The following FAM234B variants were observed in gnomAD, a reference collection of about 807,000 sequenced individuals.
FAM234B encodes the protein family with sequence similarity 234 member B.
In FAM234B, 33 loss-of-function variants were observed where a neutral mutation model predicts 69.3. The observed-to-expected ratio is 0.48, with a 90% confidence interval of 0.36 to 0.64. The LOEUF (loss-of-function observed/expected upper bound fraction) is 0.64. Ranked by LOEUF, FAM234B falls within the 30% of genes least tolerant of loss-of-function variation. The pLI is 0.00. For synonymous variants in FAM234B, 306 were observed against 306.9 expected, an observed-to-expected ratio of 1.00 and a Z score of 0.03; for missense variants, 697 against 769.7, an observed-to-expected ratio of 0.91 and a Z score of 1.12.
At chr12:13,065,686 T>A (rs1171650219) in intron 5 of FAM234B, among the ~76,000 whole-genome samples, 1 of 152,214 alleles carries the variant, frequency 6.6e-6, no homozygotes, top group African/African-American at 2.4e-5. Flanking sequence ...CCTCTCAGCT[T>A]TGTGATAAAC....
chr12:13,066,551 A>T lies in FAM234B; in HGVS notation c.853-89A>T, dbSNP rs188900379. 3.6e-6 allele frequency: 5 copies of T among 1,398,330 alleles called. No homozygotes were observed. In the South Asian group the frequency reaches 4.4e-5, roughly 12 times the overall value. The allele number at this position is 1,398,330 out of a possible 1,614,324, so 86.6% of individuals were successfully genotyped here. On this transcript the variant is annotated intron_variant, in intron 5 of 12. Transcript: ENST00000197268. ...GGGAGTGTTTCTGAGCCCGTGGCTT[A>T]TGAGGAGGCAGTGACTGTCTGGAGA...
chr12:13,068,237 C>T, intron 7 of FAM234B, 67 bp from the exon 8 acceptor site: 1 of 1,586,706 alleles, frequency 6.3e-7, no homozygotes, highest in Non-Finnish European at 8.6e-7. Context: ...AGAGAAAAAG[C>T]CAAAGTAAAT....
At chr12:13,053,983 A>T (rs1028880396) in intron 1 of FAM234B, among the ~76,000 whole-genome samples, 2 of 152,204 alleles carry the variant, frequency 1.3e-5, no homozygotes, top group African/African-American at 4.8e-5. Context: ...CAAGAAGAAA[A>T]ATATGGCTCT....
In FAM234B at chr12:13,062,923, T is replaced by C; in HGVS notation, c.800T>C (p.Leu267Ser). 6.2e-7 allele frequency: 1 copy of C among 1,614,090 alleles called. No individual in the cohort carries two copies. The highest frequency in any genetic ancestry group is 1.1e-5 in the South Asian group (1 of 91,078). Residue 267 changes from leucine to serine, a missense_variant, in exon 5 of 13, where the codon TTG becomes TCG. Physicochemically the swap from Leu to Ser is moderately radical, Grantham distance 145. Transcript: ENST00000197268. ...LAAPVVVLPD[L>S]DEDGVRDLVV... Reference sequence around the variant, plus strand: ...GCCCCAGTTGTGGTACTGCCAGACTTGGATGAAGACGGTGTTCGAGACCTT... The same window carrying C: ...GCCCCAGTTGTGGTACTGCCAGACTCGGATGAAGACGGTGTTCGAGACCTT...
chr12:13,071,433 C>T (rs1448355730), intron 10 of FAM234B, 37 bp downstream of exon 10: 3 of 1,584,210 alleles, frequency 1.9e-6, no homozygotes, highest in Non-Finnish European at 2.6e-6. Context: ...TTTACTTTGT[C>T]AGATGGCAGC....
At position 13,082,125 on chromosome 12, in the gene FAM234B, AT is replaced by A. The variant is rs551415364; in HGVS notation, c.*1506del. ...AGGTGCCCGCTACCATGCCTGGCTAATTTTTTTTTTTGTATTTTTAGTAGAG... is the reference window on the plus strand; with the variant it reads ...AGGTGCCCGCTACCATGCCTGGCTAATTTTTTTTTTGTATTTTTAGTAGAG... On this transcript the variant is annotated 3_prime_UTR_variant, in exon 13 of 13. Transcript: ENST00000197268. 4.3e-4 allele frequency: 62 copies of A among 145,594 alleles called. No homozygotes were observed. The highest frequency in any genetic ancestry group is 4.0e-4 in the East Asian group (2 of 5,044). 9.0% of individuals were successfully genotyped at this position (145,594 alleles called of 1,614,324 possible).
intron 3 of FAM234B, among the ~76,000 whole-genome samples, chr12:13,058,954 G>A (rs1279170969): frequency 6.6e-6 from 1 of 152,190 alleles, no homozygotes; most frequent in Non-Finnish European, 1.5e-5. Flanking sequence ...TTTGTTCATA[G>A]ACTTATACAT....
At chr12:13,069,693 T>C (rs763363375) in intron 9 of FAM234B, among the ~76,000 whole-genome samples, 5 of 152,054 alleles carry the variant, frequency 3.3e-5, no homozygotes, top group Non-Finnish European at 7.4e-5. Flanking sequence ...GTTTGCTGAA[T>C]AGATAAGGGT....
At chr12:13,060,825 A>G (rs74063231) in intron 3 of FAM234B, among the ~76,000 whole-genome samples, 6,923 of 152,234 alleles carry the variant, frequency 0.045, 516 homozygotes, top group African/African-American at 0.16. Context: ...AGTCTGATGT[A>G]GTAATTAAGT....
chr12:13,070,058 C>T (rs1193792690), intron 9 of FAM234B, among the ~76,000 whole-genome samples: 1 of 151,712 alleles, frequency 6.6e-6, no homozygotes, highest in Non-Finnish European at 1.5e-5. Flanking sequence ...GGCATATTAC[C>T]TAATCTTGCC....
intron 8 of FAM234B, 46 bp from the exon 9 acceptor site, chr12:13,068,584 G>A: frequency 2.1e-5 from 34 of 1,588,306 alleles, no homozygotes; most frequent in Non-Finnish European, 2.8e-5. Flanking sequence ...TAGTTTTCCT[G>A]TTTTTCTTGT....
chr12:13,075,950 G>A, intron 10 of FAM234B, 76 bp from the exon 11 acceptor site: 4 of 1,012,642 alleles, frequency 4.0e-6, no homozygotes, highest in Non-Finnish European at 6.3e-6. Context: ...TTTCTACTCT[G>A]CCTTTTCACC....
chr12:13,066,500 G>T, intron 5 of FAM234B, 140 bp from the exon 6 acceptor site: 1 of 876,500 alleles, frequency 1.1e-6, no homozygotes, highest in East Asian at 2.8e-5. Context: ...AGCGAAGCAG[G>T]TTTGGCTTTG....
chr12:13,057,663 T>G (rs1864945108), intron 2 of FAM234B, among the ~76,000 whole-genome samples: 1 of 152,232 alleles, frequency 6.6e-6, no homozygotes, highest in African/African-American at 2.4e-5. Flanking sequence ...ACTAGCAATG[T>G]GTGAATTCTC....
chr12:13,076,268 C>A (rs1252465872), intron 11 of FAM234B, 125 bp downstream of exon 11: 2 of 752,678 alleles, frequency 2.7e-6, no homozygotes, highest in African/African-American at 1.7e-5. Flanking sequence ...CAGCAGGGCA[C>A]TTTCCCTGGT....
chr12:13,074,427 G>T (rs570803520), intron 10 of FAM234B, among the ~76,000 whole-genome samples: 1 of 152,230 alleles, frequency 6.6e-6, no homozygotes, highest in African/African-American at 2.4e-5. Flanking sequence ...CTCAAAGAGG[G>T]GGCCAAGGTG....
At position 13,083,060 on chromosome 12, in the gene FAM234B, G is replaced by A. The variant is rs1865257192; in HGVS notation, c.*2430G>A. The A allele has an allele frequency of 6.6e-6, 1 of 152,112 alleles. No homozygotes were observed. Among genetic ancestry groups the A allele is most frequent in the East Asian group, 1.9e-4 (1 of 5,170 alleles). The allele number at this position is 152,112 out of a possible 1,614,324, so 9.4% of individuals were successfully genotyped here. ...ATTGAGGAAGCTTCATCTGACCAAT[G>A]TGGGTGCTGGTTTCTTGTGAAATGT... On this transcript the variant is annotated 3_prime_UTR_variant, in exon 13 of 13. Coordinates refer to ENST00000197268, the MANE Select transcript of FAM234B (RefSeq NM_020853.2).
chr12:13,060,384 C>T (rs1864971849), intron 3 of FAM234B, among the ~76,000 whole-genome samples: 1 of 152,196 alleles, frequency 6.6e-6, no homozygotes, highest in African/African-American at 2.4e-5. Flanking sequence ...CTGATGGTTA[C>T]ACACAGACTG....
chr12:13,076,474 C>A (rs1345159562), intron 11 of FAM234B, among the ~76,000 whole-genome samples: 3 of 152,208 alleles, frequency 2.0e-5, no homozygotes, highest in African/African-American at 7.2e-5. Flanking sequence ...GTGCCAGGTG[C>A]TGGGACTACA....
Sources: allele counts gnomAD v4.1 joint callset (sites outside exome capture counted in the v4.1 genomes callset), GRCh38; gene constraint gnomAD v4.1.1; transcripts MANE v1.5; gene names NCBI Gene and HGNC (gene_info 2026-07-23, HGNC 2026-07-21).